Variants in TTC23L observed in about 807,000 individuals in gnomAD.
TTC23L encodes the protein tetratricopeptide repeat domain 23 like.
Under a neutral mutation model 48.1 loss-of-function variants are expected in TTC23L, and 42 were observed. The observed-to-expected ratio is 0.87, with a 90% CI of 0.68 to 1.13. The LOEUF is 1.13. TTC23L is among the 50% of genes most tolerant of loss of function. TTC23L has a pLI of 0.00. For synonymous variants in TTC23L, 159 were observed against 157.2 expected (o/e 1.01, Z -0.09); for missense variants, 391 against 421.0 (o/e 0.93, Z 0.62).
At chr5:34,865,832 A>G (rs1171614314) in intron 6 of TTC23L, among the ~76,000 whole-genome samples, 1 of 152,228 alleles carries the variant, frequency 6.6e-6, no homozygotes, top group Middle Eastern at 3.2e-3. Flanking sequence ...CAGGCAAGAC[A>G]CCACCACACC....
downstream of TTC23L, among the ~76,000 whole-genome samples, chr5:34,903,744 A>C (rs559168274): frequency 9.9e-5 from 15 of 152,246 alleles, no homozygotes; most frequent in Non-Finnish European, 1.9e-4. Context: ...AAATTCAACC[A>C]ATCTGGATAA....
In TTC23L at chr5:34,864,528, GTC is replaced by G; in HGVS notation, c.632_633del (p.Ser211Ter). The G allele has an allele frequency of 6.2e-7, 1 of 1,613,800 alleles. No individual in the cohort carries two copies. The highest frequency in any genetic ancestry group is 8.5e-7 in the Non-Finnish European group (1 of 1,179,770). On this transcript the variant is annotated frameshift_variant, in exon 6 of 11. Coordinates refer to ENST00000505624, the Ensembl canonical transcript of TTC23L. LOFTEE classifies it high-confidence loss of function. ...TAAAGGAGGTGTTTGTGAATTACAAGTCTCTGAGAACGACCTAACACTTGCTT... is the reference window on the plus strand; with the variant it reads ...TAAAGGAGGTGTTTGTGAATTACAAGTCTGAGAACGACCTAACACTTGCTT...
intron 9 of TTC23L, among the ~76,000 whole-genome samples, chr5:34,888,269 C>G (rs1762654785): frequency 6.6e-6 from 1 of 152,152 alleles, no homozygotes; most frequent in African/African-American, 2.4e-5. Flanking sequence ...ATTTAGGATG[C>G]CATAAGCCTA....
exon 4 of TTC23L, chr5:34,850,213 G>A (rs934198849): frequency 3.1e-6 from 5 of 1,613,734 alleles, no homozygotes; most frequent in Admixed American, 3.3e-5. Context: ...GAGCTGATTC[G>A]ATGTGTCATC....
At chr5:34,915,688 A>G in the TTC23L span, 1 of 1,534,120 alleles carries the variant, frequency 6.5e-7, no homozygotes, top group Non-Finnish European at 8.7e-7. Context: ...CGGAAATAGG[A>G]GCGAGCGGCA....
At chr5:34,872,403 G>T (rs1436698927) in intron 8 of TTC23L, among the ~76,000 whole-genome samples, 1 of 152,144 alleles carries the variant, frequency 6.6e-6, no homozygotes, top group African/African-American at 2.4e-5. Flanking sequence ...TTTAAAAAAT[G>T]ATAACACCAG....
At position 34,850,216 on chromosome 5, in the gene TTC23L, G is replaced by A. The variant is rs776232349; in HGVS notation, c.287G>A (p.Cys96Tyr). 6.1e-5 allele frequency: 99 copies of A among 1,613,812 alleles called. No individual in the cohort carries two copies. The highest frequency in any genetic ancestry group is 3.3e-4 in the Middle Eastern group (2 of 6,082). The change falls in exon 4 of 11, where the codon TGT becomes TAT. Residue 96 changes from cysteine (C) to tyrosine (Y), a missense_variant. Physicochemically the swap from Cys to Tyr is radical, Grantham distance 194. Coordinates refer to ENST00000505624, the Ensembl canonical transcript of TTC23L. ...CAAGCAAACAAGGAGCTGATTCGAT[G>A]TGTCATCCTTTCTCGGATTATTTTT...
At chr5:34,854,759 A>G (rs957857500) in intron 4 of TTC23L, among the ~76,000 whole-genome samples, 2 of 152,202 alleles carry the variant, frequency 1.3e-5, no homozygotes, top group Non-Finnish European at 2.9e-5. Context: ...GTAGTGAGAA[A>G]CTTGTATATG....
chr5:34,920,834 T>G, the TTC23L span: 1 of 152,088 alleles, frequency 6.6e-6, no homozygotes, highest in African/African-American at 2.4e-5. Flanking sequence ...AAGTTTTGTT[T>G]TTTTTTTTTA....
chr5:34,839,706 A>T, intron 1 of TTC23L: 1 of 973,786 alleles, frequency 1.0e-6, no homozygotes, highest in Non-Finnish European at 1.2e-6. Context: ...GGAGGGTGAA[A>T]GGAGAGGCGA....
the TTC23L span, among the ~76,000 whole-genome samples, chr5:34,917,166 G>C: frequency 2.0e-5 from 3 of 152,162 alleles, no homozygotes; most frequent in Admixed American, 2.0e-4. Context: ...GAAAGACTTT[G>C]AAGTAGGGAA....
the TTC23L span, among the ~76,000 whole-genome samples, chr5:34,910,688 A>G: frequency 6.6e-6 from 1 of 152,128 alleles, no homozygotes. Flanking sequence ...TCGGCCTCCC[A>G]AAGTGCTGGG....
At chr5:34,877,260 C>A (rs1317846204) in intron 8 of TTC23L, among the ~76,000 whole-genome samples, 1 of 151,886 alleles carries the variant, frequency 6.6e-6, no homozygotes, top group East Asian at 1.9e-4. Flanking sequence ...GAATCCAACA[C>A]TCATTTATGA....
the TTC23L span, chr5:34,918,446 T>G: frequency 1.2e-6 from 2 of 1,608,930 alleles, no homozygotes; most frequent in Non-Finnish European, 1.7e-6. Flanking sequence ...ATGCAGGACT[T>G]GAGAATGTTG....
rs200720386 is a variant in TTC23L at position 34,887,084 on chromosome 5, CAAAT to C, written c.1077+6777_1077+6780del. Among the ~76,000 whole-genome samples the C allele has an allele frequency of 1.6e-3, 244 of 152,274 alleles. 1 individual carries two copies. In the East Asian group the frequency reaches 0.027, roughly 17 times the overall value. On this transcript the variant is annotated intron_variant, in intron 9 of 10. Transcript: ENST00000505624. ...AAGTTGGTAAAGATCAAGTAATACT[CAAAT>C]GAGCAGAGGGTGGAGTCAGAAGCAG...
At chr5:34,894,364 TTAAG>T (rs1763070617) in intron 9 of TTC23L, among the ~76,000 whole-genome samples, 1 of 152,106 alleles carries the variant, frequency 6.6e-6, no homozygotes, top group Admixed American at 6.5e-5. Flanking sequence ...ATGTAGAGCT[TTAAG>T]TGTCATGGAA....
the TTC23L span, among the ~76,000 whole-genome samples, chr5:34,912,856 C>T: frequency 6.6e-6 from 1 of 152,006 alleles, no homozygotes; most frequent in Non-Finnish European, 1.5e-5. Context: ...AAAAAATTAG[C>T]CGGGCGTGGT....
intron 9 of TTC23L, among the ~76,000 whole-genome samples, chr5:34,881,290 C>T (rs1373890218): frequency 6.6e-6 from 1 of 152,238 alleles, no homozygotes; most frequent in Admixed American, 6.5e-5. Flanking sequence ...TTTTTATTAG[C>T]CACAATCTTG....
intron 8 of TTC23L, among the ~76,000 whole-genome samples, chr5:34,877,361 CTT>C (rs796888113): frequency 2.2e-3 from 263 of 121,032 alleles, no homozygotes; most frequent in Middle Eastern, 4.2e-3. Flanking sequence ...CACCATTGTT[CTT>C]TTTTTTTTTT....
Sources: allele counts gnomAD v4.1 joint callset (sites outside exome capture counted in the v4.1 genomes callset), GRCh38; gene constraint gnomAD v4.1.1; transcripts MANE v1.5; gene names NCBI Gene and HGNC (gene_info 2026-07-23, HGNC 2026-07-21).